Variants in ALDH1L1 observed in about 807,000 individuals in gnomAD.
The protein encoded by ALDH1L1 is cytosolic 10-formyltetrahydrofolate dehydrogenase.
In ALDH1L1, 68 loss-of-function variants were observed where a neutral mutation model predicts 101.1. The observed-to-expected ratio is 0.67, with a 90% CI of 0.55 to 0.82. The LOEUF (loss-of-function observed/expected upper bound fraction) is 0.82. Ranked by LOEUF, ALDH1L1 falls within the 40% of genes least tolerant of loss-of-function variation. ALDH1L1 has a pLI of 0.00. For missense variants in ALDH1L1, 1,087 were observed against 1,172.7 expected (o/e 0.93, Z 1.07); for synonymous variants, 486 against 470.8 (o/e 1.03, Z -0.42).
intron 2 of ALDH1L1, chr3:126,159,627 C>A: frequency 2.3e-6 from 1 of 434,666 alleles, no homozygotes; most frequent in South Asian, 1.7e-5. Flanking sequence ...CTTGCAAAAG[C>A]TGTCCCACAG....
chr3:126,145,907 G>A (rs1210438823), intron 9 of ALDH1L1, among the ~76,000 whole-genome samples: 1 of 152,074 alleles, frequency 6.6e-6, no homozygotes, highest in Non-Finnish European at 1.5e-5. Context: ...TGCATCCTCA[G>A]CTCGGTAGCT....
At chr3:126,196,684 C>T (rs1576516604) in intron 1 of ALDH1L1, among the ~76,000 whole-genome samples, 1 of 152,268 alleles carries the variant, frequency 6.6e-6, no homozygotes, top group Admixed American at 6.5e-5. Context: ...GCAGTTTTTA[C>T]AAAACCTGGA....
Position 126,109,924 on chromosome 3 carries a change from C to T in ALDH1L1, c.2347+20G>A, listed in dbSNP as rs757355845. 9.0e-5 allele frequency: 145 copies of T among 1,612,656 alleles called. No homozygotes were observed. The South Asian group carries it at 1.1e-3, about 12-fold the overall frequency. ...TGCTGCCTCAATTGACCCAAGCGGA[C>T]CTGACACACTCTGACTCACCTGGCC... On this transcript the variant is annotated intron_variant, in intron 20 of 22. Coordinates refer to ENST00000393434, the MANE Select transcript of ALDH1L1 (RefSeq NM_012190.4).
upstream of ALDH1L1, among the ~76,000 whole-genome samples, chr3:126,185,424 G>A (rs2081509485): frequency 6.6e-6 from 1 of 152,238 alleles, no homozygotes; most frequent in Non-Finnish European, 1.5e-5. Context: ...ATGAAAGGTG[G>A]GAGGGGATGT....
intron 14 of ALDH1L1, among the ~76,000 whole-genome samples, chr3:126,128,108 G>A (rs532760677): frequency 6.6e-6 from 1 of 152,116 alleles, no homozygotes; most frequent in East Asian, 1.9e-4. Context: ...TACCAGGCCC[G>A]GATTGCATGG....
rs1366007112 is a variant in ALDH1L1 at position 126,150,395 on chromosome 3, T to G, written c.984+11A>C. The G allele has an allele frequency of 4.5e-6, 7 of 1,550,236 alleles. No homozygotes were observed. The East Asian group carries it at 1.7e-4, about 38-fold the overall frequency. ...GCCCAACTGGATGGCAGCCCTGAAG[T>G]TGCCTCTTACCCGCACAGCCTCCGC... On this transcript the variant is annotated intron_variant, in intron 8 of 22. Transcript: ENST00000393434.
At chr3:126,180,934 C>A, upstream of ALDH1L1, 3 of 1,609,902 alleles carry the variant, frequency 1.9e-6, no homozygotes, top group Non-Finnish European at 2.5e-6. Context: ...ACTCGCTCAC[C>A]CTCTCTCACT....
chr3:126,114,596 G>A lies in ALDH1L1; in HGVS notation c.2043C>T (p.Ile681=). 2 of 1,511,954 alleles carry A rather than the reference G, an allele frequency of 1.3e-6. No individual in the cohort carries two copies. Among genetic ancestry groups the A allele is most frequent in the Non-Finnish European group, 1.8e-6 (2 of 1,129,912 alleles). The allele number at this position is 1,511,954 out of a possible 1,614,324, so 93.7% of individuals were successfully genotyped here. ...TGTTGAGGTCACAGTCAGCAAAGATGATGAGGGGTGACTTCCCGCCCAGTT... is the reference window on the plus strand; with the variant it reads ...TGTTGAGGTCACAGTCAGCAAAGATAATGAGGGGTGACTTCCCGCCCAGTT... ...SLELGGKSPL[I]IFADCDLNKA... is the part of the protein sequence containing the mutation. Residue 681 remains isoleucine, a synonymous_variant, in exon 18 of 23, where the codon ATC becomes ATT. Transcript: ENST00000393434.
chr3:126,140,902 A>C (rs768323470), intron 9 of ALDH1L1, among the ~76,000 whole-genome samples: 1 of 151,974 alleles, frequency 6.6e-6, no homozygotes, highest in Non-Finnish European at 1.5e-5. Context: ...TCAGAAAACA[A>C]ATGGCAGAAA....
chr3:126,190,793 T>C (rs2081548559), intron 1 of ALDH1L1, among the ~76,000 whole-genome samples: 1 of 152,238 alleles, frequency 6.6e-6, no homozygotes. Flanking sequence ...GGGATCCCAC[T>C]GGAAGTGAGA....
intron 5 of ALDH1L1, among the ~76,000 whole-genome samples, chr3:126,154,948 C>T (rs1200721798): frequency 2.6e-5 from 4 of 152,202 alleles, no homozygotes; most frequent in Non-Finnish European, 4.4e-5. Flanking sequence ...TAGGGCCCAA[C>T]CTTTCACTGG....
intron 16 of ALDH1L1, among the ~76,000 whole-genome samples, chr3:126,119,286 C>T (rs2080034897): frequency 6.6e-6 from 1 of 152,226 alleles, no homozygotes; most frequent in Non-Finnish European, 1.5e-5. Context: ...ACTCCTCTGC[C>T]TGCTTGGCAT....
chr3:126,115,487 CTTT>C (rs35580198), intron 17 of ALDH1L1: 2 of 141,940 alleles, frequency 1.4e-5, no homozygotes, highest in Non-Finnish European at 1.5e-5. Flanking sequence ...CTTTGCTCTT[CTTT>C]TTTTTTTTTT....
At chr3:126,167,714 A>C (rs1390176336) in intron 1 of ALDH1L1, among the ~76,000 whole-genome samples, 1 of 152,146 alleles carries the variant, frequency 6.6e-6, no homozygotes, top group Non-Finnish European at 1.5e-5. Context: ...CAGCACTTTT[A>C]AAACTAGTAA....
intron 1 of ALDH1L1, among the ~76,000 whole-genome samples, chr3:126,177,479 C>A (rs888217299): frequency 1.1e-4 from 16 of 152,036 alleles, no homozygotes; most frequent in Admixed American, 7.2e-4. Flanking sequence ...CCATATGATT[C>A]ATACATACTA....
At chr3:126,112,428 C>G (rs1461620707) in intron 19 of ALDH1L1, among the ~76,000 whole-genome samples, 2 of 152,190 alleles carry the variant, frequency 1.3e-5, no homozygotes, top group African/African-American at 4.8e-5. Flanking sequence ...TCCATTCTGT[C>G]CAGTCCTCCC....
At chr3:126,185,910 A>C (rs1189217938), upstream of ALDH1L1, among the ~76,000 whole-genome samples, 1 of 152,220 alleles carries the variant, frequency 6.6e-6, no homozygotes, top group African/African-American at 2.4e-5. Context: ...AATCTTGAGT[A>C]GTTTATTCTA....
At chr3:126,190,660 A>T (rs923907603) in intron 1 of ALDH1L1, among the ~76,000 whole-genome samples, 1 of 152,222 alleles carries the variant, frequency 6.6e-6, no homozygotes, top group East Asian at 1.9e-4. Context: ...AACATCTGCC[A>T]GGGCATTCCC....
Position 126,130,778 on chromosome 3 carries a change from G to A in ALDH1L1, c.1624-485C>T, listed in dbSNP as rs1054609737. On this transcript the variant is annotated intron_variant, in intron 13 of 22. Coordinates refer to ENST00000393434, the MANE Select transcript of ALDH1L1 (RefSeq NM_012190.4). ...ATCTGGCAGAGACGCCATGAGTCCT[G>A]CAGAGGTGGACCTCCCCAGGGAGCC... is the stretch of plus-strand genomic sequence containing the variant. 2.0e-5 allele frequency among the ~76,000 whole-genome samples: 3 copies of A among 152,354 alleles called. No individual in the cohort carries two copies. The South Asian group carries it at 6.2e-4, about 32-fold the overall frequency.
Sources: allele counts gnomAD v4.1 joint callset (sites outside exome capture counted in the v4.1 genomes callset), GRCh38; gene constraint gnomAD v4.1.1; transcripts MANE v1.5; gene names NCBI Gene and HGNC (gene_info 2026-07-23, HGNC 2026-07-21).